FGGY: variants seen among roughly 807,000 people sequenced by gnomAD.
FGGY encodes the protein FGGY carbohydrate kinase domain-containing protein.
Under a neutral mutation model 71.3 loss-of-function variants are expected in FGGY, and 72 were observed. That is an observed-to-expected ratio of 1.01 (90% confidence interval 0.84 to 1.23). The LOEUF (loss-of-function observed/expected upper bound fraction) is 1.23. FGGY is among the 50% of genes most tolerant of loss of function. The probability of loss-of-function intolerance (pLI) is 0.00; values close to 1 mark genes in which losing one functional copy is unlikely to be tolerated. For synonymous variants in FGGY, 251 were observed against 250.3 expected (o/e 1.00, Z -0.02); for missense variants, 668 against 682.3 (o/e 0.98, Z 0.23).
chr1:59,488,625 A>G (rs1183606986), intron 6 of FGGY, among the ~76,000 whole-genome samples: 1 of 150,178 alleles, frequency 6.7e-6, no homozygotes, highest in Non-Finnish European at 1.5e-5. Context: ...TCATTACTTT[A>G]CACAATTGAA....
intron 14 of FGGY, among the ~76,000 whole-genome samples, chr1:59,734,690 C>T: frequency 6.6e-6 from 1 of 152,354 alleles, no homozygotes. Context: ...ACCCTCCTCT[C>T]CCCTCTCAGT....
At position 59,746,721 on chromosome 1, in the gene FGGY, C is replaced by T. The variant is rs187494672; in HGVS notation, c.1513-11210C>T. Reference sequence around the variant, plus strand: ...ATCTTGCCCAGGCTGGTTTCAAACTCGTTTCAAGCGATCCTCCCACCTCAG... The same window carrying T: ...ATCTTGCCCAGGCTGGTTTCAAACTTGTTTCAAGCGATCCTCCCACCTCAG... On this transcript the variant is annotated intron_variant, in intron 14 of 15. Transcript: ENST00000303721. Among the ~76,000 whole-genome samples the T allele has an allele frequency of 8.1e-4, 124 of 152,200 alleles. 1 individual carries two copies. The highest frequency in any genetic ancestry group is 1.2e-3 in the Non-Finnish European group (82 of 68,006).
chr1:59,481,707 T>C (rs903319670), intron 6 of FGGY, among the ~76,000 whole-genome samples: 1 of 152,100 alleles, frequency 6.6e-6, no homozygotes, highest in Non-Finnish European at 1.5e-5. Context: ...AACTGAGACA[T>C]ACCGTTGTAC....
intron 12 of FGGY, among the ~76,000 whole-genome samples, chr1:59,663,025 G>A (rs1262328861): frequency 8.9e-6 from 1 of 112,726 alleles, no homozygotes; most frequent in Non-Finnish European, 1.8e-5. Context: ...CATGCTAAGA[G>A]GAGGACATGA....
chr1:59,745,660 T>C (rs571294083), intron 14 of FGGY, among the ~76,000 whole-genome samples: 1 of 152,354 alleles, frequency 6.6e-6, no homozygotes, highest in South Asian at 2.1e-4. Flanking sequence ...ATATCCTGGC[T>C]AAATGTTTCT....
chr1:59,307,075 G>T (rs559646387), intron 1 of FGGY, among the ~76,000 whole-genome samples: 177 of 152,204 alleles, frequency 1.2e-3, no homozygotes, highest in Non-Finnish European at 2.0e-3. Flanking sequence ...AGAACTTTGG[G>T]AGGCCGAGGT....
chr1:59,402,263 T>C (rs1387312646), intron 5 of FGGY, among the ~76,000 whole-genome samples: 1 of 152,170 alleles, frequency 6.6e-6, no homozygotes, highest in African/African-American at 2.4e-5. Flanking sequence ...TGGGGTATTG[T>C]GAAGGGATGG....
intron 6 of FGGY, among the ~76,000 whole-genome samples, chr1:59,460,180 C>T (rs923947007): frequency 4.6e-5 from 7 of 152,104 alleles, no homozygotes; most frequent in African/African-American, 1.2e-4. Flanking sequence ...TCTGGAAAAT[C>T]GGGACACTGC....
At chr1:59,344,687 G>T (rs185134345) in intron 3 of FGGY, among the ~76,000 whole-genome samples, 2 of 152,066 alleles carry the variant, frequency 1.3e-5, no homozygotes, top group Non-Finnish European at 2.9e-5. Flanking sequence ...ACCTATGTAC[G>T]TCTTCCCATG....
intron 7 of FGGY, 43 bp downstream of exon 7, chr1:59,512,482 T>G (rs1558177953): frequency 3.8e-6 from 6 of 1,598,846 alleles, no homozygotes; most frequent in Non-Finnish European, 5.1e-6. Flanking sequence ...CGTATTCAAA[T>G]GGAATATTCC....
intron 12 of FGGY, among the ~76,000 whole-genome samples, chr1:59,665,054 A>G (rs2097311207): frequency 6.6e-6 from 1 of 152,200 alleles, no homozygotes; most frequent in Non-Finnish European, 1.5e-5. Flanking sequence ...AGCTACTACA[A>G]TTCATGCCGT....
At chr1:59,720,968 CA>C (rs1224707579) in intron 14 of FGGY, among the ~76,000 whole-genome samples, 13 of 152,322 alleles carry the variant, frequency 8.5e-5, no homozygotes, top group Admixed American at 8.5e-4. Context: ...AGCACACTTC[CA>C]ACTCAGGGCT....
intron 6 of FGGY, among the ~76,000 whole-genome samples, chr1:59,477,661 A>T (rs1014654686): frequency 2.6e-5 from 4 of 152,210 alleles, no homozygotes; most frequent in African/African-American, 9.7e-5. Context: ...AGCTGTTGAA[A>T]TGTACAATCT....
At chr1:59,307,662 G>T (rs1005661187) in intron 1 of FGGY, among the ~76,000 whole-genome samples, 3 of 152,150 alleles carry the variant, frequency 2.0e-5, no homozygotes, top group Non-Finnish European at 4.4e-5. Flanking sequence ...TAAGATGAGG[G>T]TTGGCTCAAA....
At chr1:59,534,792 G>A (rs2095265986) in intron 7 of FGGY, among the ~76,000 whole-genome samples, 1 of 151,900 alleles carries the variant, frequency 6.6e-6, no homozygotes, top group Non-Finnish European at 1.5e-5. Context: ...GAGAGATTTT[G>A]TCACCACCAG....
chr1:59,656,051 G>T (rs2097215052), intron 11 of FGGY, among the ~76,000 whole-genome samples: 1 of 151,990 alleles, frequency 6.6e-6, no homozygotes, highest in Non-Finnish European at 1.5e-5. Flanking sequence ...CATTGTTTTG[G>T]CCATTATATA....
At chr1:59,675,206 A>G (rs1215869013) in intron 14 of FGGY, among the ~76,000 whole-genome samples, 1 of 152,058 alleles carries the variant, frequency 6.6e-6, no homozygotes, top group African/African-American at 2.4e-5. Context: ...AGTCCAAATG[A>G]CTTGCCCATG....
intron 7 of FGGY, among the ~76,000 whole-genome samples, chr1:59,543,164 AG>A (rs1248906494): frequency 2.0e-5 from 3 of 152,220 alleles, no homozygotes; most frequent in African/African-American, 4.8e-5. Context: ...AAACTATGTC[AG>A]CCACATGTCA....
intron 8 of FGGY, among the ~76,000 whole-genome samples, chr1:59,603,306 A>T (rs2096595028): frequency 6.6e-6 from 1 of 152,212 alleles, no homozygotes; most frequent in African/African-American, 2.4e-5. Context: ...GCATCTGAAA[A>T]TATAAGCTTT....
Sources: gnomAD v4.1 joint callset for allele counts (sites outside exome capture counted in the v4.1 genomes callset) on GRCh38, gnomAD v4.1.1 for gene constraint, MANE v1.5 for transcripts, NCBI Gene and HGNC (gene_info 2026-07-23, HGNC 2026-07-21) for gene names.